Variants in TJP1 observed in about 807,000 individuals in gnomAD.
TJP1 encodes the protein tight junction protein ZO-1.
TJP1 carries 43 observed loss-of-function variants against 194.2 expected under a neutral mutation model. The observed-to-expected ratio is 0.22, with a 90% CI of 0.17 to 0.29. TJP1 has a LOEUF of 0.29. TJP1 is among the 10% of genes least tolerant of loss of function. The pLI is 1.00. For missense variants in TJP1, 1,971 were observed against 2,185.7 expected (o/e 0.90, Z 1.96); for synonymous variants, 801 against 779.0 (o/e 1.03, Z -0.47).
In TJP1 at chr15:29,818,010, TA is replaced by T. The variant is rs879780459; in HGVS notation, c.27+3991del. Among the ~76,000 whole-genome samples, 457 of 140,592 alleles carry T rather than the reference TA, an allele frequency of 3.3e-3. 1 individual carries two copies. The highest frequency in any genetic ancestry group is 7.3e-3 in the African/African-American group (279 of 38,446). 92.2% of individuals were successfully genotyped at this position (140,592 alleles called of 152,430 possible). ...CTGCACATGGATCCCAGAACTTAAT[TA>T]AAAAAAAAAAAGCCCACTGTGCTCC... On this transcript the variant is annotated intron_variant, in intron 1 of 27. Transcript: ENST00000614355.
chr15:29,871,771 G>A (rs1168136188), intron 2 of TJP1, among the ~76,000 whole-genome samples: 1 of 152,236 alleles, frequency 6.6e-6, no homozygotes, highest in Non-Finnish European at 1.5e-5. Flanking sequence ...ACAGAACCAA[G>A]AGGGAGAATG....
intron 2 of TJP1, among the ~76,000 whole-genome samples, chr15:29,774,265 T>C (rs562691734): frequency 7.2e-5 from 11 of 152,142 alleles, no homozygotes; most frequent in African/African-American, 2.6e-4. Flanking sequence ...CCATGAATAG[T>C]GCATACATCA....
chr15:29,718,345 G>T lies in TJP1; in HGVS notation c.3797C>A (p.Thr1266Asn), dbSNP rs371126871. ...DPAMKPQSVLTRVKMFENKRS... is the reference protein window; with the variant it reads ...DPAMKPQSVLNRVKMFENKRS... ...TTTGTTTTCAAACATCTTAACTCTG[G>T]TGAGTACAGACTGTGGCTTCATTGC... Residue 1266 changes from threonine (T) to asparagine (N), a missense_variant, in exon 21 of 28, where the codon ACC (threonine) becomes AAC (asparagine). This residue lies in a region of TJP1 where 1,108 missense variants were observed against 1,128.5 expected (regional missense o/e 0.98). Transcript: ENST00000614355. The T allele has an allele frequency of 1.4e-5, 22 of 1,613,948 alleles. No homozygotes were observed. The African/African-American group carries it at 2.0e-4, about 15-fold the overall frequency.
intron 2 of TJP1, among the ~76,000 whole-genome samples, chr15:29,840,786 G>C (rs76339523): frequency 0.045 from 6,822 of 152,264 alleles, 173 homozygotes; most frequent in South Asian, 0.076. Context: ...GTTTGGGATA[G>C]AAGAAAGAAT....
chr15:29,763,565 C>T (rs45504091), intron 5 of TJP1, among the ~76,000 whole-genome samples: 2 of 151,830 alleles, frequency 1.3e-5, no homozygotes, highest in Non-Finnish European at 2.9e-5. Flanking sequence ...GTCAGGAGTT[C>T]GAGACCAGCC....
chr15:29,773,672 G>A (rs1369125232), intron 2 of TJP1, among the ~76,000 whole-genome samples: 1 of 152,200 alleles, frequency 6.6e-6, no homozygotes, highest in African/African-American at 2.4e-5. Context: ...GAGGAGACTG[G>A]CAGAGCCCAG....
intron 1 of TJP1, among the ~76,000 whole-genome samples, chr15:29,960,975 G>C (rs1292781267): frequency 1.3e-5 from 2 of 152,144 alleles, no homozygotes. Context: ...TTTAGATGTT[G>C]CTTCTCTTTT....
chr15:29,728,175 G>C, intron 15 of TJP1, 156 bp from the exon 16 acceptor site: 1 of 452,936 alleles, frequency 2.2e-6, no homozygotes, highest in Non-Finnish European at 3.9e-6. Flanking sequence ...GTTTTAATAT[G>C]CATACTTCCC....
intron 2 of TJP1, among the ~76,000 whole-genome samples, chr15:29,950,981 A>T (rs1183561111): frequency 2.6e-5 from 4 of 152,208 alleles, no homozygotes; most frequent in African/African-American, 9.7e-5. Flanking sequence ...TAAAGTGCCT[A>T]GAACAGTGCG....
chr15:29,744,993 T>G (rs1390093853), intron 8 of TJP1, among the ~76,000 whole-genome samples: 1 of 152,184 alleles, frequency 6.6e-6, no homozygotes, highest in African/African-American at 2.4e-5. Flanking sequence ...TAGTTCGACA[T>G]TAGGAATTTA....
chr15:29,847,078 G>A (rs181961001), intron 2 of TJP1, among the ~76,000 whole-genome samples: 33 of 152,192 alleles, frequency 2.2e-4, no homozygotes, highest in African/African-American at 6.7e-4. Context: ...AGTACAAAAC[G>A]ATACATAGTT....
chr15:29,766,198 T>A, intron 5 of TJP1, 68 bp downstream of exon 5: 9 of 1,549,738 alleles, frequency 5.8e-6, no homozygotes, highest in Non-Finnish European at 7.8e-6. Flanking sequence ...AGACAGCAAC[T>A]GTACTTCTCA....
At chr15:29,965,516 C>T (rs2056303727) in intron 1 of TJP1, among the ~76,000 whole-genome samples, 1 of 152,028 alleles carries the variant, frequency 6.6e-6, no homozygotes, top group Non-Finnish European at 1.5e-5. Flanking sequence ...CAGGCCCTCA[C>T]ATTTGTAAAC....
At position 29,929,586 on chromosome 15, in the gene TJP1, A is replaced by C. The variant is rs998353139; in HGVS notation, c.306+26646T>G. Among the ~76,000 whole-genome samples the C allele has an allele frequency of 5.3e-5, 8 of 152,186 alleles. No individual in the cohort carries two copies. The South Asian group carries it at 1.2e-3, about 24-fold the overall frequency. ...GCGGTGAATGTCTGTAATTCTAGCT[A>C]CTCAGGAGGCTGAGGCAGAAGAATC... On this transcript the variant is annotated intron_variant, in intron 2 of 28. Transcript: ENST00000356107.
chr15:29,874,104 C>A (rs999432636), intron 2 of TJP1, among the ~76,000 whole-genome samples: 22 of 152,144 alleles, frequency 1.4e-4, no homozygotes, highest in Non-Finnish European at 2.9e-5. Context: ...ATTCCATGTA[C>A]TTTTTCAGGT....
chr15:29,943,170 C>T (rs950025574), intron 2 of TJP1, among the ~76,000 whole-genome samples: 1 of 152,098 alleles, frequency 6.6e-6, no homozygotes, highest in Non-Finnish European at 1.5e-5. Flanking sequence ...AGAGAGAGAG[C>T]GGGTGGGCAT....
chr15:29,886,238 G>C (rs569055425), intron 2 of TJP1, among the ~76,000 whole-genome samples: 9 of 152,174 alleles, frequency 5.9e-5, no homozygotes, highest in Non-Finnish European at 1.0e-4. Context: ...CTTAATATGA[G>C]CTTTAAAAGC....
In TJP1 at chr15:29,888,882, C is replaced by G. The variant is rs535699261; in HGVS notation, c.306+67350G>C. On this transcript the variant is annotated intron_variant, in intron 2 of 28. Coordinates refer to the TJP1 transcript ENST00000356107. ...CAGTGCTAAAGAGTGGGGCTAAAAG[C>G]CCAGCGAGAATCACAGGAGAATGCA... Among the ~76,000 whole-genome samples, 305 of 152,286 alleles carry G rather than the reference C, an allele frequency of 2.0e-3. 1 individual carries two copies. Among genetic ancestry groups the G allele is most frequent in the African/African-American group, 7.1e-3 (296 of 41,562 alleles).
At chr15:29,744,777 T>C (rs2044655467) in intron 8 of TJP1, among the ~76,000 whole-genome samples, 1 of 152,168 alleles carries the variant, frequency 6.6e-6, no homozygotes, top group African/African-American at 2.4e-5. Flanking sequence ...CGTCGACAAT[T>C]ATCAATACTC....
Sources: allele counts gnomAD v4.1 joint callset (sites outside exome capture counted in the v4.1 genomes callset), GRCh38; gene constraint gnomAD v4.1.1; regional missense constraint gnomAD v4.1.1; transcripts MANE v1.5; gene names NCBI Gene and HGNC (gene_info 2026-07-23, HGNC 2026-07-21).